Variants in RBFOX1 observed in about 807,000 individuals in gnomAD.
The protein encoded by RBFOX1 is RNA binding fox-1 homolog 1, also known as RNA binding protein fox-1 homolog 1.
RBFOX1 carries 8 observed loss-of-function variants against 57.7 expected under a neutral mutation model. The ratio of observed to expected loss-of-function variants is 0.14; its 90% CI spans 0.08 to 0.25. RBFOX1 has a LOEUF of 0.25. Ranked by LOEUF, RBFOX1 falls within the 10% of genes least tolerant of loss-of-function variation. RBFOX1 has a pLI of 1.00. For synonymous variants in RBFOX1, 326 were observed against 222.4 expected (o/e 1.47, Z -4.15); for missense variants, 611 against 548.5 (o/e 1.11, Z -1.14).
Position 5,452,225 on chromosome 16 carries a change from C to A in RBFOX1, c.220-14991C>A, listed in dbSNP as rs537154298. ...CCTCTGCTTCTCGGGTTCAAACGATCCTCCCACCTCAGCTTCCCAAGTAGC... is the reference window on the plus strand; with the variant it reads ...CCTCTGCTTCTCGGGTTCAAACGATACTCCCACCTCAGCTTCCCAAGTAGC... On this transcript the variant is annotated intron_variant, in intron 1 of 2. Transcript: ENST00000585867. 1.5e-4 allele frequency among the ~76,000 whole-genome samples: 22 copies of A among 150,558 alleles called. No individual in the cohort carries two copies. In the East Asian group the frequency reaches 4.4e-3, roughly 30 times the overall value.
chr16:5,615,941 T>G (rs1332893855), intron 3 of RBFOX1, among the ~76,000 whole-genome samples: 1 of 152,220 alleles, frequency 6.6e-6, no homozygotes, highest in Non-Finnish European at 1.5e-5. Context: ...ATGGGAACGC[T>G]TCTTTCCCCT....
intron 3 of RBFOX1, among the ~76,000 whole-genome samples, chr16:6,980,958 C>A (rs140232977): frequency 4.7e-3 from 671 of 142,520 alleles, no homozygotes; most frequent in African/African-American, 0.017. Context: ...CATGAGAATC[C>A]CTTGAACCTG....
chr16:7,163,554 C>T (rs77696412), intron 4 of RBFOX1, among the ~76,000 whole-genome samples: 3,986 of 152,238 alleles, frequency 0.026, 82 homozygotes, highest in Non-Finnish European at 0.04. Context: ...TCTTCTTCCA[C>T]CTAGAATCTC....
intron 1 of RBFOX1, among the ~76,000 whole-genome samples, chr16:5,309,002 G>T (rs1452491396): frequency 6.6e-6 from 1 of 152,086 alleles, no homozygotes; most frequent in Non-Finnish European, 1.5e-5. Flanking sequence ...CTCCTTGGCT[G>T]ATCCCTTTCC....
chr16:6,945,481 T>C (rs921132482), intron 3 of RBFOX1, among the ~76,000 whole-genome samples: 2 of 149,146 alleles, frequency 1.3e-5, no homozygotes, highest in Non-Finnish European at 3.0e-5. Flanking sequence ...TTTTTTTTTT[T>C]GTAAAATGGG....
At chr16:5,962,586 A>G (rs2059770678) in intron 4 of RBFOX1, among the ~76,000 whole-genome samples, 1 of 152,302 alleles carries the variant, frequency 6.6e-6, no homozygotes, top group African/African-American at 2.4e-5. Context: ...ATGCATTTCA[A>G]ATTCTACCTC....
At chr16:6,609,037 C>A (rs1403602937) in intron 2 of RBFOX1, among the ~76,000 whole-genome samples, 1 of 152,164 alleles carries the variant, frequency 6.6e-6, no homozygotes, top group Admixed American at 6.5e-5. Flanking sequence ...GTCTCCCTCT[C>A]CCATATTTGA....
chr16:7,549,758 A>AT (rs1218467300), intron 5 of RBFOX1, among the ~76,000 whole-genome samples: 3 of 152,064 alleles, frequency 2.0e-5, no homozygotes, highest in Admixed American at 2.0e-4. Flanking sequence ...CTGACCACTG[A>AT]TTAGATTTGT....
At chr16:5,954,761 C>T (rs1039185620) in intron 4 of RBFOX1, among the ~76,000 whole-genome samples, 3 of 152,146 alleles carry the variant, frequency 2.0e-5, no homozygotes, top group Non-Finnish European at 1.5e-5. Flanking sequence ...ATTGCAGAGG[C>T]TACATTTAAA....
At chr16:6,408,880 T>C (rs2093370109) in intron 2 of RBFOX1, among the ~76,000 whole-genome samples, 1 of 152,200 alleles carries the variant, frequency 6.6e-6, no homozygotes, top group South Asian at 2.1e-4. Context: ...TGTTTTCTTG[T>C]AGCTAGCTCT....
chr16:7,550,923 A>G (rs1410502732), intron 5 of RBFOX1, among the ~76,000 whole-genome samples: 2 of 151,796 alleles, frequency 1.3e-5, no homozygotes, highest in African/African-American at 4.8e-5. Context: ...GTGAAACCCC[A>G]GTTCTACTAA....
chr16:6,255,276 G>A (rs761904385), intron 1 of RBFOX1, among the ~76,000 whole-genome samples: 1 of 152,130 alleles, frequency 6.6e-6, no homozygotes, highest in Admixed American at 6.6e-5. Context: ...CCCAGGCATG[G>A]GAAAACTCTG....
intron 3 of RBFOX1, among the ~76,000 whole-genome samples, chr16:6,687,914 G>A (rs1451468194): frequency 1.3e-5 from 2 of 152,180 alleles, no homozygotes; most frequent in Admixed American, 6.5e-5. Flanking sequence ...TCTCTCCACC[G>A]TATTTTCAAA....
intron 4 of RBFOX1, among the ~76,000 whole-genome samples, chr16:7,102,836 C>T (rs554210203): frequency 6.6e-6 from 1 of 152,192 alleles, no homozygotes; most frequent in South Asian, 2.1e-4. Context: ...TTAGAAAACA[C>T]AGCCTAATTT....
At chr16:5,782,605 A>G (rs2054360256) in intron 3 of RBFOX1, among the ~76,000 whole-genome samples, 1 of 152,202 alleles carries the variant, frequency 6.6e-6, no homozygotes, top group African/African-American at 2.4e-5. Context: ...TTACTATGTT[A>G]GGGTTCTCCA....
At chr16:6,894,262 A>C (rs1221231952) in intron 3 of RBFOX1, among the ~76,000 whole-genome samples, 1 of 152,170 alleles carries the variant, frequency 6.6e-6, no homozygotes, top group Admixed American at 6.5e-5. Flanking sequence ...TCATTTCAGC[A>C]CAGTTTCATA....
intron 1 of RBFOX1, among the ~76,000 whole-genome samples, chr16:6,069,650 C>G (rs1038225401): frequency 8.5e-5 from 13 of 152,158 alleles, no homozygotes; most frequent in Admixed American, 6.5e-4. Flanking sequence ...GAACATTTCA[C>G]TGCAATAATG....
chr16:6,056,196 C>T (rs1385146018), intron 1 of RBFOX1, among the ~76,000 whole-genome samples: 3 of 152,164 alleles, frequency 2.0e-5, no homozygotes, highest in Non-Finnish European at 2.9e-5. Flanking sequence ...AATCTCCTTA[C>T]ACTGTGGTCT....
intron 1 of RBFOX1, among the ~76,000 whole-genome samples, chr16:6,073,273 C>A (rs368462478): frequency 6.6e-6 from 1 of 152,150 alleles, no homozygotes; most frequent in Non-Finnish European, 1.5e-5. Context: ...CTCTGATGAG[C>A]AGGTATTAGG....
Sources: gnomAD v4.1 joint callset for allele counts (sites outside exome capture counted in the v4.1 genomes callset) on GRCh38, gnomAD v4.1.1 for gene constraint, MANE v1.5 for transcripts, NCBI Gene and HGNC (gene_info 2026-07-23, HGNC 2026-07-21) for gene names.